The following PIEZO2 variants were observed in gnomAD, a reference collection of about 807,000 sequenced individuals.
PIEZO2 encodes piezo type mechanosensitive ion channel component 2.
A neutral mutation model predicts 337.3 loss-of-function variants in PIEZO2; 172 were observed. The ratio of observed to expected loss-of-function variants is 0.51; its 90% CI spans 0.45 to 0.58. The LOEUF (loss-of-function observed/expected upper bound fraction) is 0.58. Ranked by LOEUF, PIEZO2 falls within the 20% of genes least tolerant of loss-of-function variation. The pLI is 0.00. For synonymous variants in PIEZO2, 1,251 were observed against 1,228.5 expected (o/e 1.02, Z -0.38); for missense variants, 3,028 against 3,391.3 (o/e 0.89, Z 2.66).
At chr18:10,695,540 A>G (rs1166879846) in intron 47 of PIEZO2, among the ~76,000 whole-genome samples, 2 of 152,122 alleles carry the variant, frequency 1.3e-5, no homozygotes, top group African/African-American at 2.4e-5. Context: ...ACAAGCTGAG[A>G]CATTGCTAGG....
At chr18:11,123,551 G>GT (rs1194769162) in intron 1 of PIEZO2, among the ~76,000 whole-genome samples, 2 of 152,174 alleles carry the variant, frequency 1.3e-5, no homozygotes, top group Non-Finnish European at 2.9e-5. Flanking sequence ...GCTCATGCCT[G>GT]TAATCCCAGC....
rs2039498704 is a variant in PIEZO2, at chr18:11,104,280, G to T, written c.65-38058C>A. Among the ~76,000 whole-genome samples the T allele has an allele frequency of 6.6e-6, 1 of 152,164 alleles. No homozygotes were observed. The highest frequency in any genetic ancestry group is 2.1e-4 in the South Asian group (1 of 4,834). On this transcript the variant is annotated intron_variant, in intron 1 of 55. Transcript: ENST00000674853. The surrounding 1 kb of genome is among the most constrained non-coding windows in gnomAD (Gnocchi z 4.6). ...AATGTAAAAGGTGGCAGTGTGGGGA[G>T]AATATCGTGAGGAAGAATCCTATGC... is the stretch of plus-strand genomic sequence containing the variant.
Position 10,871,608 on chromosome 18 carries a change from T to G in PIEZO2, c.330-193A>C, listed in dbSNP as rs577464985. 2.0e-4 allele frequency among the ~76,000 whole-genome samples: 30 copies of G among 152,320 alleles called. No individual in the cohort carries two copies. In the South Asian group the frequency reaches 3.7e-3, roughly 19 times the overall value. ...ATCTACACATTCAGGAAGATTCCAG[T>G]GTTCCCTGGAGTTTCAGAAATATTA... On this transcript the variant is annotated intron_variant, in intron 4 of 55. Transcript: ENST00000674853.
Position 10,750,197 on chromosome 18 carries a change from A to C in PIEZO2, c.4168-10T>G, listed in dbSNP as rs946885717. On this transcript the variant is annotated splice_polypyrimidine_tract_variant and intron_variant, in intron 28 of 55. Coordinates refer to ENST00000674853, the MANE Select transcript of PIEZO2 (RefSeq NM_001378183.1). The surrounding 1 kb of genome is among the most constrained non-coding windows in gnomAD (Gnocchi z 4.1). Reference sequence around the variant, plus strand: ...ATCCACATGCTCCTATCTGAAAAACAAAAGAGGGGGATAATCCTGAAGCTC... The same window carrying C: ...ATCCACATGCTCCTATCTGAAAAACCAAAGAGGGGGATAATCCTGAAGCTC... The C allele has an allele frequency of 6.6e-7, 1 of 1,526,390 alleles. No homozygotes were observed. The highest frequency in any genetic ancestry group is 1.4e-5 in the African/African-American group (1 of 72,848). 94.6% of individuals were successfully genotyped at this position (1,526,390 alleles called of 1,614,324 possible).
chr18:10,909,536 G>A (rs1263178145), intron 4 of PIEZO2, among the ~76,000 whole-genome samples: 1 of 149,140 alleles, frequency 6.7e-6, no homozygotes, highest in African/African-American at 2.5e-5. Context: ...CACTATTCTG[G>A]AAGAAATGGC....
chr18:10,837,752 T>TG lies in PIEZO2; in HGVS notation c.917+17600_917+17601insC, dbSNP rs201112092. On this transcript the variant is annotated intron_variant, in intron 7 of 55. Coordinates refer to ENST00000674853, the MANE Select transcript of PIEZO2 (RefSeq NM_001378183.1). The surrounding 1 kb of genome is among the most constrained non-coding windows in gnomAD (Gnocchi z 4.4). ...ATTTTATAAAATTTCCTCATTTTTT[T>TG]TTGTTGTTGTTGTTGTTGAGATGAA... Among the ~76,000 whole-genome samples, 1,001 of 152,154 alleles carry TG rather than the reference T, an allele frequency of 6.6e-3. 10 individuals carry two copies. Among genetic ancestry groups the TG allele is most frequent in the African/African-American group, 0.02 (816 of 41,528 alleles).
At chr18:10,889,221 G>GT (rs1324087775) in intron 4 of PIEZO2, among the ~76,000 whole-genome samples, 1 of 152,176 alleles carries the variant, frequency 6.6e-6, no homozygotes, top group Admixed American at 6.5e-5. Context: ...AGTACTATCA[G>GT]TTTTTTCCCC....
At position 10,681,666 on chromosome 18, in the gene PIEZO2, C is replaced by A. The variant is rs2034269880; in HGVS notation, c.7774G>T (p.Asp2592Tyr). 1.3e-6 allele frequency: 2 copies of A among 1,587,198 alleles called. No homozygotes were observed. Among genetic ancestry groups the A allele is most frequent in the South Asian group, 1.1e-5 (1 of 90,404 alleles). The change falls in exon 51 of 56, where the codon GAC (aspartate) becomes TAC (tyrosine). Residue 2592 changes from aspartate to tyrosine, a missense_variant. Asp to Tyr is a radical substitution (Grantham distance 160, BLOSUM62 -3). Around this residue, in one of 5 missense-constraint regions of PIEZO2, gnomAD observed 332 missense variants for 363.8 expected, o/e 0.91. Transcript: ENST00000674853. ...TACTATAGGGATTTACTTACGGTGTCCCTAGAAAAAGCTTGTATAAATTTG... is the reference window on the plus strand; with the variant it reads ...TACTATAGGGATTTACTTACGGTGTACCTAGAAAAAGCTTGTATAAATTTG... Reference protein sequence around the residue: ...FNKFIQAFSRDTGAMQFLENY... With the variant: ...FNKFIQAFSRYTGAMQFLENY...
rs1429605074 is a variant in PIEZO2, at chr18:10,784,992, C to T, written c.2319-35G>A. On this transcript the variant is annotated intron_variant, in intron 16 of 55. Coordinates refer to ENST00000674853, the MANE Select transcript of PIEZO2 (RefSeq NM_001378183.1). This position sits in a 1 kb window ranked among gnomAD's most constrained non-coding sequence, Gnocchi z 4.5. Reference sequence around the variant, plus strand: ...AAAACAAAATAAAAAGCAGGAACCTCTCTTACGCAATGAAGTCACAAACTC... The same window carrying T: ...AAAACAAAATAAAAAGCAGGAACCTTTCTTACGCAATGAAGTCACAAACTC... The T allele has an allele frequency of 2.6e-6, 4 of 1,512,776 alleles. No homozygotes were observed. The highest frequency in any genetic ancestry group is 4.9e-5 in the East Asian group (2 of 40,732). 93.7% of individuals were successfully genotyped at this position (1,512,776 alleles called of 1,614,324 possible).
At chr18:10,897,167 T>C (rs1177012424) in intron 4 of PIEZO2, among the ~76,000 whole-genome samples, 1 of 151,740 alleles carries the variant, frequency 6.6e-6, no homozygotes, top group African/African-American at 2.4e-5. Context: ...CTCATGGTAG[T>C]GAGTAAGTCT....
intron 7 of PIEZO2, among the ~76,000 whole-genome samples, chr18:10,811,936 C>A (rs2040205445): frequency 6.6e-6 from 1 of 152,200 alleles, no homozygotes; most frequent in South Asian, 2.1e-4. Context: ...CGGGTTCACA[C>A]CATTCTCCTG....
intron 37 of PIEZO2, among the ~76,000 whole-genome samples, chr18:10,717,844 CTGTG>C (rs1262035374): frequency 7.2e-5 from 11 of 152,208 alleles, no homozygotes; most frequent in Non-Finnish European, 1.5e-5. Flanking sequence ...CTCCTCCTCT[CTGTG>C]TTTTTTAAAA....
intron 1 of PIEZO2, among the ~76,000 whole-genome samples, chr18:11,073,686 C>T (rs2038424105): frequency 2.0e-5 from 3 of 152,250 alleles, no homozygotes; most frequent in Middle Eastern, 6.8e-3. Flanking sequence ...CACAATTTTA[C>T]TTGATGTATG....
chr18:10,802,705 T>C (rs1326167745), intron 9 of PIEZO2, among the ~76,000 whole-genome samples: 2 of 152,096 alleles, frequency 1.3e-5, no homozygotes, highest in Non-Finnish European at 2.9e-5. Flanking sequence ...CGCAGTGACT[T>C]ATGCCTGTAA....
At chr18:10,770,447 G>T in intron 20 of PIEZO2, 139 bp from the exon 21 acceptor site, 1 of 771,104 alleles carries the variant, frequency 1.3e-6, no homozygotes, top group Non-Finnish European at 2.0e-6. Flanking sequence ...CCAAAATCTG[G>T]AATAAGGATG....
rs1448956689 is a variant in PIEZO2 at position 10,716,501 on chromosome 18, A to G, written c.5090-685T>C. On this transcript the variant is annotated intron_variant, in intron 37 of 55. Transcript: ENST00000674853. This position sits in a 1 kb window ranked among gnomAD's most constrained non-coding sequence, Gnocchi z 4.1. Reference sequence around the variant, plus strand: ...ACCATGTCACACCTAACAGTCTTCCATGAGGTACATTTAAGAAGCAAGGAA... The same window carrying G: ...ACCATGTCACACCTAACAGTCTTCCGTGAGGTACATTTAAGAAGCAAGGAA... Among the ~76,000 whole-genome samples, 4 of 152,194 alleles carry G rather than the reference A, an allele frequency of 2.6e-5. No homozygotes were observed. Among genetic ancestry groups the G allele is most frequent in the African/African-American group, 9.6e-5 (4 of 41,452 alleles).
intron 1 of PIEZO2, among the ~76,000 whole-genome samples, chr18:11,136,919 T>C (rs1423376925): frequency 6.6e-6 from 1 of 152,260 alleles, no homozygotes; most frequent in African/African-American, 2.4e-5. Context: ...TATCATCCTG[T>C]GTTCTTATAC....
chr18:10,838,632 G>A (rs1273716163), intron 7 of PIEZO2, among the ~76,000 whole-genome samples: 1 of 152,248 alleles, frequency 6.6e-6, no homozygotes, highest in African/African-American at 2.4e-5. Flanking sequence ...GAGGCCACAT[G>A]GAAGGGGCTT....
At position 11,096,450 on chromosome 18, in the gene PIEZO2, T is replaced by C. The variant is rs2039265913; in HGVS notation, c.65-30228A>G. Among the ~76,000 whole-genome samples, 1 of 152,202 alleles carries C rather than the reference T, an allele frequency of 6.6e-6. No homozygotes were observed. Among genetic ancestry groups the C allele is most frequent in the East Asian group, 1.9e-4 (1 of 5,192 alleles). On this transcript the variant is annotated intron_variant, in intron 1 of 55. Transcript: ENST00000674853. This position sits in a 1 kb window ranked among gnomAD's most constrained non-coding sequence, Gnocchi z 4.6. ...GGGCTCCACACCTGGTTCTGCCTCC[T>C]AAGAGCTCTCGGACAAATGCCTCCC...
Sources: allele counts gnomAD v4.1 joint callset (sites outside exome capture counted in the v4.1 genomes callset), GRCh38; gene constraint gnomAD v4.1.1; regional missense constraint gnomAD v4.1.1; non-coding constraint Gnocchi (gnomAD v3.1); transcripts MANE v1.5; gene names NCBI Gene and HGNC (gene_info 2026-07-23, HGNC 2026-07-21).